EYA1: variants seen among roughly 807,000 people sequenced by gnomAD.
The protein encoded by EYA1 is protein phosphatase EYA1.
A neutral mutation model predicts 82.0 loss-of-function variants in EYA1; 16 were observed. That is an observed-to-expected ratio of 0.20 (90% CI 0.13 to 0.30). The LOEUF (loss-of-function observed/expected upper bound fraction) is 0.30, where lower values mean the gene tolerates loss of function less well. EYA1 is among the 10% of genes least tolerant of loss of function. The pLI is 1.00. For synonymous variants in EYA1, 261 were observed against 264.4 expected (o/e 0.99, Z 0.12); for missense variants, 633 against 730.7 (o/e 0.87, Z 1.54).
At chr8:71,270,914 T>C (rs944731088) in intron 10 of EYA1, among the ~76,000 whole-genome samples, 3 of 152,108 alleles carry the variant, frequency 2.0e-5, no homozygotes, top group Non-Finnish European at 2.9e-5. Context: ...GGTCAGGAGA[T>C]GGAGACCATC....
intron 2 of EYA1, among the ~76,000 whole-genome samples, chr8:71,389,975 A>G (rs1829183482): frequency 6.6e-6 from 1 of 152,110 alleles, no homozygotes; most frequent in East Asian, 1.9e-4. Flanking sequence ...TCATTTATTG[A>G]ATTTATCATT....
intron 2 of EYA1, chr8:71,470,815 A>G (rs1809135808): frequency 4.5e-6 from 2 of 447,146 alleles, no homozygotes; most frequent in Non-Finnish European, 8.9e-6. Flanking sequence ...AAAAATAAAA[A>G]CAGAACCGTA....
chr8:71,366,885 T>TA (rs1346088209), upstream of EYA1, among the ~76,000 whole-genome samples: 1 of 152,108 alleles, frequency 6.6e-6, no homozygotes, highest in African/African-American at 2.4e-5. Context: ...ATAAAGTTAA[T>TA]AAAAATCCAG....
At chr8:71,316,371 T>C (rs1164939123) in intron 7 of EYA1, among the ~76,000 whole-genome samples, 2 of 152,152 alleles carry the variant, frequency 1.3e-5, no homozygotes, top group Non-Finnish European at 2.9e-5. Context: ...AAATAAGATA[T>C]ATCTATTTAG....
At chr8:71,206,063 T>A (rs1807729217) in intron 17 of EYA1, among the ~76,000 whole-genome samples, 1 of 152,266 alleles carries the variant, frequency 6.6e-6, no homozygotes, top group African/African-American at 2.4e-5. Flanking sequence ...ATTATGAATG[T>A]AAAATTAGGG....
intron 1 of EYA1, among the ~76,000 whole-genome samples, chr8:71,361,101 T>C (rs922445040): frequency 6.6e-6 from 1 of 152,250 alleles, no homozygotes; most frequent in African/African-American, 2.4e-5. Flanking sequence ...TTGTTTAATA[T>C]AACGTTTGGG....
chr8:71,416,700 A>G (rs1025215050), intron 2 of EYA1, among the ~76,000 whole-genome samples: 22 of 152,166 alleles, frequency 1.4e-4, no homozygotes, highest in African/African-American at 5.3e-4. Context: ...CCTCAGCATC[A>G]TCTCAGAGTT....
chr8:71,202,267 T>C (rs907024698), intron 17 of EYA1, among the ~76,000 whole-genome samples: 3 of 151,966 alleles, frequency 2.0e-5, no homozygotes, highest in African/African-American at 7.3e-5. Context: ...AAAATCCAGC[T>C]ACTTCTTTGG....
At chr8:71,209,867 A>T (rs943592960) in intron 17 of EYA1, among the ~76,000 whole-genome samples, 4 of 152,048 alleles carry the variant, frequency 2.6e-5, no homozygotes, top group African/African-American at 9.6e-5. Context: ...AGGGAGTTAT[A>T]AAAAAATCTG....
chr8:71,233,226 G>C lies in EYA1; in HGVS notation c.1140+11377C>G, dbSNP rs111949364. On this transcript the variant is annotated intron_variant, in intron 12 of 17. Transcript: ENST00000340726. ...TATCCTACTATCTAGAGATAAATCA[G>C]TGTTTATTGTTGAAATTATTTCTGT... is the stretch of plus-strand genomic sequence containing the variant. Among the ~76,000 whole-genome samples, 289 of 152,280 alleles carry C rather than the reference G, an allele frequency of 1.9e-3. 1 individual carries two copies. Among genetic ancestry groups the C allele is most frequent in the African/African-American group, 5.2e-3 (217 of 41,558 alleles).
Position 71,215,161 on chromosome 8 carries a change from G to A in EYA1, c.1597+226C>T, listed in dbSNP as rs191883924. On this transcript the variant is annotated intron_variant, in intron 16 of 17. Coordinates refer to ENST00000340726, the MANE Select transcript of EYA1 (RefSeq NM_000503.6). ...CTGTTACTCTACCTAAAATGCCCTG[G>A]TCTTAACGTTAGCCAGTCAAGTAAA... 2.4e-3 allele frequency among the ~76,000 whole-genome samples: 371 copies of A among 152,192 alleles called. 1 individual carries two copies. Among genetic ancestry groups the A allele is most frequent in the Non-Finnish European group, 3.8e-3 (258 of 68,012 alleles).
At chr8:71,436,333 A>T (rs540807062) in intron 2 of EYA1, among the ~76,000 whole-genome samples, 3 of 152,292 alleles carry the variant, frequency 2.0e-5, no homozygotes, top group Admixed American at 6.5e-5. Flanking sequence ...TCCAAGGAAC[A>T]TACCCGAAGA....
intron 12 of EYA1, among the ~76,000 whole-genome samples, chr8:71,228,880 T>C (rs1289417189): frequency 3.3e-5 from 5 of 152,180 alleles, no homozygotes; most frequent in African/African-American, 1.2e-4. Flanking sequence ...GCCCTTCCTC[T>C]TCCAACCCAC....
At chr8:71,275,148 C>A (rs1349459651) in intron 9 of EYA1, among the ~76,000 whole-genome samples, 1 of 152,108 alleles carries the variant, frequency 6.6e-6, no homozygotes, top group Non-Finnish European at 1.5e-5. Context: ...GGAGACCGGC[C>A]AGGAGGATAA....
intron 2 of EYA1, among the ~76,000 whole-genome samples, chr8:71,401,793 T>C (rs1829972199): frequency 1.3e-5 from 2 of 152,236 alleles, no homozygotes; most frequent in African/African-American, 2.4e-5. Context: ...TTGTTCTTGT[T>C]ACCACTACTA....
intron 9 of EYA1, among the ~76,000 whole-genome samples, chr8:71,284,535 C>T (rs1034523339): frequency 2.0e-5 from 3 of 152,168 alleles, no homozygotes; most frequent in Non-Finnish European, 4.4e-5. Flanking sequence ...ATGGGAACAG[C>T]ACCATTGTCA....
chr8:71,473,037 C>T (rs1809353781), intron 2 of EYA1, among the ~76,000 whole-genome samples: 1 of 151,448 alleles, frequency 6.6e-6, no homozygotes, highest in African/African-American at 2.4e-5. Flanking sequence ...AAAATGAGTC[C>T]AAATAATGTC....
chr8:71,256,138 T>C (rs1382462038), intron 11 of EYA1, among the ~76,000 whole-genome samples: 1 of 152,168 alleles, frequency 6.6e-6, no homozygotes, highest in Non-Finnish European at 1.5e-5. Flanking sequence ...GCTGCTAAGA[T>C]AAACAGTACA....
At position 71,368,493 on chromosome 8, in the gene EYA1, A is replaced by G. The variant is rs568970866; in HGVS notation, c.34-11982T>C. Among the ~76,000 whole-genome samples the G allele has an allele frequency of 3.3e-5, 5 of 152,258 alleles. No homozygotes were observed. The South Asian group carries it at 1.0e-3, about 32-fold the overall frequency. Reference sequence around the variant, plus strand: ...GTGAAGGAGGGACAGGACAAAAACAAAAGCAAAAAAAAAGAAAGAATTTGT... The same window carrying G: ...GTGAAGGAGGGACAGGACAAAAACAGAAGCAAAAAAAAAGAAAGAATTTGT... On this transcript the variant is annotated intron_variant, in intron 2 of 18. Transcript: ENST00000643681.
Sources: allele counts gnomAD v4.1 joint callset (sites outside exome capture counted in the v4.1 genomes callset), GRCh38; gene constraint gnomAD v4.1.1; transcripts MANE v1.5; gene names NCBI Gene and HGNC (gene_info 2026-07-23, HGNC 2026-07-21).